The following TECPR1 variants were observed in gnomAD, a reference collection of about 807,000 sequenced individuals.
TECPR1 encodes the protein tectonin beta-propeller repeat-containing protein 1.
Under a neutral mutation model 162.4 loss-of-function variants are expected in TECPR1, and 122 were observed. The observed-to-expected ratio is 0.75, with a 90% CI of 0.65 to 0.87. The LOEUF is 0.87. TECPR1 is among the 40% of genes least tolerant of loss of function. The pLI, the probability that TECPR1 is intolerant of heterozygous loss-of-function variation, is 0.00. For synonymous variants in TECPR1, 642 were observed against 670.6 expected, an observed-to-expected ratio of 0.96 and a Z score of 0.66; for missense variants, 1,432 against 1,618.2, an observed-to-expected ratio of 0.88 and a Z score of 1.97.
intron 6 of TECPR1, among the ~76,000 whole-genome samples, chr7:98,243,117 C>T (rs1264230691): frequency 6.7e-6 from 1 of 150,342 alleles, no homozygotes; most frequent in Non-Finnish European, 1.5e-5. Context: ...CACCCATCCA[C>T]CCATCCATCC....
intron 2 of TECPR1, among the ~76,000 whole-genome samples, chr7:98,250,467 A>C (rs1799036523): frequency 6.6e-6 from 1 of 151,954 alleles, no homozygotes; most frequent in South Asian, 2.1e-4. Context: ...ATCTCTGTAA[A>C]AATAAAAAGT....
In TECPR1 at chr7:98,226,510, C is replaced by G. The variant is rs537239496; in HGVS notation, c.2514-1408G>C. 3 of 1,033,284 alleles carry G rather than the reference C, an allele frequency of 2.9e-6. No individual in the cohort carries two copies. The South Asian group carries it at 9.8e-5, about 34-fold the overall frequency. 64.0% of individuals were successfully genotyped at this position (1,033,284 alleles called of 1,614,324 possible). A position where few individuals can be genotyped will look rare whatever the true frequency, so the allele number is the denominator to read the frequency against. The stretch of plus-strand genomic sequence containing the variant: ...CTTGTCTGCCCCCAACACGGACACA[C>G]AGTATGGCTGGAAGGCCACACCCCA... On this transcript the variant is annotated intron_variant, in intron 17 of 25. Coordinates refer to ENST00000447648, the MANE Select transcript of TECPR1 (RefSeq NM_015395.3).
intron 9 of TECPR1, among the ~76,000 whole-genome samples, chr7:98,237,790 A>T (rs1798639328): frequency 6.6e-6 from 1 of 151,040 alleles, no homozygotes; most frequent in Non-Finnish European, 1.5e-5. Context: ...TTTTTTAGAG[A>T]TAGGATCTCA....
In TECPR1 at chr7:98,246,181, G is replaced by A. The variant is rs1399376994; in HGVS notation, c.-19-16C>T. 39 of 1,512,992 alleles carry A rather than the reference G, an allele frequency of 2.6e-5. No individual in the cohort carries two copies. Among genetic ancestry groups the A allele is most frequent in the Non-Finnish European group, 3.3e-5 (37 of 1,117,926 alleles). 93.7% of individuals were successfully genotyped at this position (1,512,992 alleles called of 1,614,324 possible). A position where few individuals can be genotyped will look rare whatever the true frequency, so the allele number is the denominator to read the frequency against. ...TGGAGGTAACCTGCGGCAGGAGGACGAGGGCCAGCGTTCAGGCTCCCAGCC... is the reference window on the plus strand; with the variant it reads ...TGGAGGTAACCTGCGGCAGGAGGACAAGGGCCAGCGTTCAGGCTCCCAGCC... On this transcript the variant is annotated splice_polypyrimidine_tract_variant and intron_variant, in intron 2 of 25. Coordinates refer to ENST00000447648, the MANE Select transcript of TECPR1 (RefSeq NM_015395.3).
chr7:98,217,525 A>C (rs1348341184), intron 25 of TECPR1, 22 bp from the exon 26 acceptor site: 1 of 1,547,972 alleles, frequency 6.5e-7, no homozygotes, highest in Non-Finnish European at 8.7e-7. Context: ...GAGCTGTGTC[A>C]CCAGGGGACT....
rs1011324022 is a variant in TECPR1 at position 98,236,903 on chromosome 7, C to G, written c.1054G>C (p.Glu352Gln). 4 of 1,567,798 alleles carry G rather than the reference C, an allele frequency of 2.6e-6. No individual in the cohort carries two copies. Among genetic ancestry groups the G allele is most frequent in the Non-Finnish European group, 3.5e-6 (4 of 1,157,148 alleles). Residue 352 changes from glutamate to glutamine, a missense_variant, in exon 10 of 26, where the codon GAG (glutamate) becomes CAG (glutamine). By Grantham distance (29) the Glu-to-Gln change is conservative (BLOSUM62 2). Transcript: ENST00000447648. ...MNDQVWGIGC[E>Q]DRAVYFRQGV... Reference sequence around the variant, plus strand: ...TGCCGGAAGTACACGGCTCGGTCCTCACAGCCAATGCCCCACACCTGGAAG... The same window carrying G: ...TGCCGGAAGTACACGGCTCGGTCCTGACAGCCAATGCCCCACACCTGGAAG...
Position 98,216,378 on chromosome 7 carries a change from C to T in TECPR1, c.*1012G>A, listed in dbSNP as rs906225198. ...ATCCAAGAAGCCCCTGTCACCAGCG[C>T]ATCTGGGGAAGGGGCCGAATGGGGG... On this transcript the variant is annotated 3_prime_UTR_variant, in exon 26 of 26. Coordinates refer to ENST00000447648, the MANE Select transcript of TECPR1 (RefSeq NM_015395.3). 2.0e-5 allele frequency: 3 copies of T among 152,432 alleles called. No individual in the cohort carries two copies. The highest frequency in any genetic ancestry group is 2.9e-5 in the Non-Finnish European group (2 of 68,208). The allele number at this position is 152,432 out of a possible 1,614,324, so 9.4% of individuals were successfully genotyped here.
intron 23 of TECPR1, among the ~76,000 whole-genome samples, chr7:98,220,375 A>G (rs953715622): frequency 6.6e-6 from 1 of 152,018 alleles, no homozygotes; most frequent in Admixed American, 6.6e-5. Context: ...TTAACGGTAC[A>G]TTTTACTTTA....
rs530502380 is a variant in TECPR1 at position 98,222,403 on chromosome 7, T to C, written c.3047A>G (p.Tyr1016Cys). The change falls in exon 22 of 26, where the codon TAC becomes TGC. Residue 1016 changes from tyrosine to cysteine, a missense_variant. By Grantham distance (194) the Tyr-to-Cys change is radical. Transcript: ENST00000447648. Reference protein sequence around the residue: ...DGSAFYRGSVYPSQPAGDCWY... With the variant: ...DGSAFYRGSVCPSQPAGDCWY... ...GCACTCACCGGCTGGCTGCGAGGGG[T>C]ACACGGATCCCCGGTAGAAGGCGGA... The C allele has an allele frequency of 1.3e-6, 2 of 1,599,560 alleles. No individual in the cohort carries two copies. Among genetic ancestry groups the C allele is most frequent in the South Asian group, 1.1e-5 (1 of 88,684 alleles).
At position 98,217,974 on chromosome 7, in the gene TECPR1, T is replaced by C; in HGVS notation, c.3226A>G (p.Asn1076Asp). 6.4e-7 allele frequency: 1 copy of C among 1,564,050 alleles called. No individual in the cohort carries two copies. The highest frequency in any genetic ancestry group is 8.7e-7 in the Non-Finnish European group (1 of 1,154,690). ...PQGSSWEHVSNNVCRVSVGPL... is the reference protein window; with the variant it reads ...PQGSSWEHVSDNVCRVSVGPL... ...CCCACGGACACTCGGCACACGTTGT[T>C]GGACACGTGCTCCCAGCTGGAGCCC... The change falls in exon 24 of 26, where the codon AAC becomes GAC. Residue 1076 changes from asparagine to aspartate, a missense_variant. Physicochemically the swap from Asn to Asp is conservative, Grantham distance 23. Transcript: ENST00000447648.
At chr7:98,250,791 T>C (rs931372377) in intron 2 of TECPR1, 1 of 152,194 alleles carries the variant, frequency 6.6e-6, no homozygotes, top group Non-Finnish European at 1.5e-5. Context: ...TAAGCACTAA[T>C]TTCCTCATAG....
chr7:98,242,228 G>A (rs944448339), intron 6 of TECPR1, among the ~76,000 whole-genome samples: 8 of 152,206 alleles, frequency 5.3e-5, no homozygotes, highest in Non-Finnish European at 8.8e-5. Context: ...TGGTCAATGC[G>A]TGGTGAGAGC....
At position 98,246,121 on chromosome 7, in the gene TECPR1, A is replaced by ACC; in HGVS notation, c.24_25dup (p.Val9GlyfsTer82). 6.4e-7 allele frequency: 1 copy of ACC among 1,551,464 alleles called. No homozygotes were observed. The highest frequency in any genetic ancestry group is 8.7e-7 in the Non-Finnish European group (1 of 1,148,266). ...CGTGTACACTCTCCCGAAGAGGTCC[A>ACC]CCGCCCACAGCACTGAGTTGGGCAT... On this transcript the variant is annotated frameshift_variant, in exon 3 of 26. Transcript: ENST00000447648. LOFTEE classifies it high-confidence loss of function.
chr7:98,225,292 T>C (rs1798253633), intron 17 of TECPR1, among the ~76,000 whole-genome samples, 190 bp from the exon 18 acceptor site: 1 of 152,186 alleles, frequency 6.6e-6, no homozygotes, highest in Non-Finnish European at 1.5e-5. Context: ...CCCAGCACTT[T>C]GGGAGGCTGA....
At position 98,244,875 on chromosome 7, in the gene TECPR1, G is replaced by A; in HGVS notation, c.408+10C>T. 1.2e-6 allele frequency: 2 copies of A among 1,612,858 alleles called. No homozygotes were observed. Among genetic ancestry groups the A allele is most frequent in the East Asian group, 2.2e-5 (1 of 44,852 alleles). Reference sequence around the variant, plus strand: ...ACAGGGCAGTCATGGAGGGTCCCAAGTTCACCTACCCCTTTCTCAGTGGGT... The same window carrying A: ...ACAGGGCAGTCATGGAGGGTCCCAAATTCACCTACCCCTTTCTCAGTGGGT... On this transcript the variant is annotated intron_variant, in intron 4 of 25. Coordinates refer to ENST00000447648, the MANE Select transcript of TECPR1 (RefSeq NM_015395.3).
Position 98,245,078 on chromosome 7 carries a change from G to C in TECPR1, c.226-11C>G. On this transcript the variant is annotated splice_polypyrimidine_tract_variant and intron_variant, in intron 3 of 25. Transcript: ENST00000447648. ...CATGGGATTCCAGCGCTGAGGGCCG[G>C]GGACACAGAGGCGGCCTTGGACCCA... is the stretch of plus-strand genomic sequence containing the variant. 6.4e-7 allele frequency: 1 copy of C among 1,567,940 alleles called. No individual in the cohort carries two copies. Among genetic ancestry groups the C allele is most frequent in the South Asian group, 1.2e-5 (1 of 85,708 alleles).
chr7:98,249,601 C>T (rs1799008082), intron 2 of TECPR1, among the ~76,000 whole-genome samples: 1 of 152,144 alleles, frequency 6.6e-6, no homozygotes, highest in Non-Finnish European at 1.5e-5. Context: ...TCCTCACTTT[C>T]TTGTACCACC....
chr7:98,236,551 A>G (rs996678285), intron 10 of TECPR1, among the ~76,000 whole-genome samples: 5 of 148,870 alleles, frequency 3.4e-5, no homozygotes, highest in African/African-American at 1.2e-4. Context: ...TATGTCAAAC[A>G]CCTCCAGTGG....
intron 11 of TECPR1, 29 bp from the exon 12 acceptor site, chr7:98,233,001 G>A (rs1278505681): frequency 6.3e-7 from 1 of 1,589,116 alleles, no homozygotes; most frequent in Admixed American, 1.7e-5. Flanking sequence ...CTCAGGGCCG[G>A]GGCACTGTCC....
Sources: allele counts gnomAD v4.1 joint callset (sites outside exome capture counted in the v4.1 genomes callset), GRCh38; gene constraint gnomAD v4.1.1; transcripts MANE v1.5; gene names NCBI Gene and HGNC (gene_info 2026-07-23, HGNC 2026-07-21).